ZNF24: variants seen among roughly 807,000 people sequenced by gnomAD.
ZNF24 encodes the protein zinc finger protein 24.
A neutral mutation model predicts 40.9 loss-of-function variants in ZNF24; 11 were observed. The observed-to-expected ratio is 0.27, with a 90% confidence interval of 0.17 to 0.45. The LOEUF (loss-of-function observed/expected upper bound fraction) is 0.45. ZNF24 is among the 20% of genes least tolerant of loss of function. The pLI, the probability that ZNF24 is intolerant of heterozygous loss-of-function variation, is 1.00. For missense variants in ZNF24, 293 were observed against 437.7 expected (o/e 0.67, Z 2.95); for synonymous variants, 139 against 154.7 (o/e 0.90, Z 0.75).
In ZNF24 at chr18:35,332,355, T is replaced by C. The variant is rs1304926455; in HGVS notation, c.*4877A>G. ...TATATTAATCAGAACAGAAACTCAATTCAATTATCTTAAACAAGAAAGGGA... is the reference window on the plus strand; with the variant it reads ...TATATTAATCAGAACAGAAACTCAACTCAATTATCTTAAACAAGAAAGGGA... On this transcript the variant is annotated 3_prime_UTR_variant, in exon 4 of 4. Transcript: ENST00000261332. The C allele has an allele frequency of 6.6e-6, 1 of 152,168 alleles. No individual in the cohort carries two copies. The highest frequency in any genetic ancestry group is 1.5e-5 in the Non-Finnish European group (1 of 68,024). The allele number at this position is 152,168 out of a possible 1,614,324, so 9.4% of individuals were successfully genotyped here.
chr18:35,340,105 G>A lies in ZNF24; in HGVS notation c.420+126C>T. Reference sequence around the variant, plus strand: ...GGCAAAGCGGCACAGATAACAAGGAGTGGTAGGGGAATGGGGGAAAAGGCA... The same window carrying A: ...GGCAAAGCGGCACAGATAACAAGGAATGGTAGGGGAATGGGGGAAAAGGCA... On this transcript the variant is annotated intron_variant, in intron 2 of 3. Coordinates refer to ENST00000261332, the MANE Select transcript of ZNF24 (RefSeq NM_006965.4). The surrounding 1 kb of genome is among the most constrained non-coding windows in gnomAD (Gnocchi z 4.6). 6.7e-7 allele frequency: 1 copy of A among 1,482,306 alleles called. No individual in the cohort carries two copies. Among genetic ancestry groups the A allele is most frequent in the South Asian group, 1.3e-5 (1 of 77,160 alleles). 91.8% of individuals were successfully genotyped at this position (1,482,306 alleles called of 1,614,324 possible).
rs1380883187 is a variant in ZNF24 at position 35,337,377 on chromosome 18, C to T, written c.962G>A (p.Gly321Glu). 2 of 1,613,956 alleles carry T rather than the reference C, an allele frequency of 1.2e-6. No individual in the cohort carries two copies. Among genetic ancestry groups the T allele is most frequent in the Admixed American group, 1.7e-5 (1 of 60,010 alleles). Residue 321 changes from glycine (G) to glutamate (E), a missense_variant, in exon 4 of 4, where the codon GGG becomes GAG. Around this residue, in one of 2 missense-constraint regions of ZNF24, gnomAD observed 59 missense variants for 138.6 expected, o/e 0.43. Coordinates refer to ENST00000261332, the MANE Select transcript of ZNF24 (RefSeq NM_006965.4). ...ATGGATTCTCTGATGATTAATAAGCCCCGAATTCTGGCTAAAGGCTTTCCC... is the reference window on the plus strand; with the variant it reads ...ATGGATTCTCTGATGATTAATAAGCTCCGAATTCTGGCTAAAGGCTTTCCC... ...ECGKAFSQNS[G>E]LINHQRIHTG... is the part of the protein sequence containing the mutation.
At chr18:35,338,345 A>G (rs1401030416) in intron 3 of ZNF24, 2 of 985,360 alleles carry the variant, frequency 2.0e-6, no homozygotes, top group African/African-American at 3.5e-5. Context: ...AAGACATGAC[A>G]TAAAAATTCA....
At chr18:35,338,045 T>G in intron 3 of ZNF24, 1 of 548,918 alleles carries the variant, frequency 1.8e-6, no homozygotes, top group Non-Finnish European at 2.5e-6. Context: ...GATTCTAAGA[T>G]GGTTAGGGAG....
At position 35,334,065 on chromosome 18, in the gene ZNF24, C is replaced by G. The variant is rs2044882113; in HGVS notation, c.*3167G>C. 6.6e-6 allele frequency: 1 copy of G among 152,076 alleles called. No individual in the cohort carries two copies. The highest frequency in any genetic ancestry group is 2.4e-5 in the African/African-American group (1 of 41,408). 9.4% of individuals were successfully genotyped at this position (152,076 alleles called of 1,614,324 possible). A position where few individuals can be genotyped will look rare whatever the true frequency, so the allele number is the denominator to read the frequency against. On this transcript the variant is annotated 3_prime_UTR_variant, in exon 4 of 4. Transcript: ENST00000261332. ...TGCCTGTCACAGCAACCACAGGTGT[C>G]AGCTGTTAACACATTATTGATTAAA...
At chr18:35,341,631 T>C (rs1212873483) in intron 1 of ZNF24, among the ~76,000 whole-genome samples, 2 of 152,070 alleles carry the variant, frequency 1.3e-5, no homozygotes, top group Non-Finnish European at 2.9e-5. Flanking sequence ...GGACAAGATA[T>C]GGAGGTAGAA....
Position 35,340,113 on chromosome 18 carries a change from G to C in ZNF24, c.420+118C>G. ...GGCACAGATAACAAGGAGTGGTAGG[G>C]GAATGGGGGAAAAGGCATAAACATA... is the stretch of plus-strand genomic sequence containing the variant. On this transcript the variant is annotated intron_variant, in intron 2 of 3. Coordinates refer to ENST00000261332, the MANE Select transcript of ZNF24 (RefSeq NM_006965.4). The surrounding 1 kb of genome is among the most constrained non-coding windows in gnomAD (Gnocchi z 4.6). 1 of 1,487,208 alleles carries C rather than the reference G, an allele frequency of 6.7e-7. No individual in the cohort carries two copies. The highest frequency in any genetic ancestry group is 9.1e-7 in the Non-Finnish European group (1 of 1,093,456). The allele number at this position is 1,487,208 out of a possible 1,614,324, so 92.1% of individuals were successfully genotyped here. A position where few individuals can be genotyped will look rare whatever the true frequency, so the allele number is the denominator to read the frequency against.
rs945687567 is a variant in ZNF24, at chr18:35,333,151, T to C, written c.*4081A>G. On this transcript the variant is annotated 3_prime_UTR_variant, in exon 4 of 4. Transcript: ENST00000261332. ...ATTCACACACATGCACAAAGACATC[T>C]GAATAGGATGTTTACTTTGGCAATG... The C allele has an allele frequency of 2.6e-5, 4 of 152,102 alleles. No homozygotes were observed. Among genetic ancestry groups the C allele is most frequent in the African/African-American group, 9.7e-5 (4 of 41,418 alleles). The allele number at this position is 152,102 out of a possible 1,614,324, so 9.4% of individuals were successfully genotyped here. A position where few individuals can be genotyped will look rare whatever the true frequency, so the allele number is the denominator to read the frequency against.
Position 35,334,547 on chromosome 18 carries a change from G to GA in ZNF24, c.*2684dup, listed in dbSNP as rs771379021. The GA allele has an allele frequency of 6.6e-6, 1 of 152,188 alleles. No homozygotes were observed. The highest frequency in any genetic ancestry group is 6.5e-5 in the Admixed American group (1 of 15,274). The allele number at this position is 152,188 out of a possible 1,614,324, so 9.4% of individuals were successfully genotyped here. ...AGCTTAACCTCCAAGAAAGCCAGAAGAAAAAACCAGCAAATGCTCAGTGGC... is the reference window on the plus strand; with the variant it reads ...AGCTTAACCTCCAAGAAAGCCAGAAGAAAAAAACCAGCAAATGCTCAGTGGC... On this transcript the variant is annotated 3_prime_UTR_variant, in exon 4 of 4. Transcript: ENST00000261332.
At position 35,334,490 on chromosome 18, in the gene ZNF24, A is replaced by G. The variant is rs949822905; in HGVS notation, c.*2742T>C. The G allele has an allele frequency of 2.6e-5, 4 of 152,238 alleles. No homozygotes were observed. The highest frequency in any genetic ancestry group is 7.2e-5 in the African/African-American group (3 of 41,456). The allele number at this position is 152,238 out of a possible 1,614,324, so 9.4% of individuals were successfully genotyped here. ...ACATGAATATGAGACATATTGCTAA[A>G]GATCAAGTACCAACTGGGTATGACT... On this transcript the variant is annotated 3_prime_UTR_variant, in exon 4 of 4. Transcript: ENST00000261332.
chr18:35,337,892 G>A (rs1598685546), intron 3 of ZNF24, 122 bp from the exon 4 acceptor site: 1 of 761,474 alleles, frequency 1.3e-6, no homozygotes, highest in Non-Finnish European at 2.0e-6. Flanking sequence ...CTCTGACACT[G>A]GTGTTAAGGC....
rs2044868787 is a variant in ZNF24, at chr18:35,332,646, T to C, written c.*4586A>G. On this transcript the variant is annotated 3_prime_UTR_variant, in exon 4 of 4. Coordinates refer to ENST00000261332, the MANE Select transcript of ZNF24 (RefSeq NM_006965.4). ...GCTTTCCTTAGCCTGGCTTAAGTTA[T>C]ATACCCATTCTTTTATCACTGTGGC... is the stretch of plus-strand genomic sequence containing the variant. The C allele has an allele frequency of 6.6e-6, 1 of 152,670 alleles. No homozygotes were observed. Among genetic ancestry groups the C allele is most frequent in the Non-Finnish European group, 1.5e-5 (1 of 68,066 alleles). The allele number at this position is 152,670 out of a possible 1,614,324, so 9.5% of individuals were successfully genotyped here. A position where few individuals can be genotyped will look rare whatever the true frequency, so the allele number is the denominator to read the frequency against.
At chr18:35,338,966 C>T in intron 3 of ZNF24, 2 of 1,516,580 alleles carry the variant, frequency 1.3e-6, no homozygotes, top group Admixed American at 2.1e-5. Context: ...TCAGCCCCAC[C>T]CCAAAAGTTG....
At chr18:35,341,873 G>A (rs957331664) in intron 1 of ZNF24, among the ~76,000 whole-genome samples, 1 of 152,014 alleles carries the variant, frequency 6.6e-6, no homozygotes, top group African/African-American at 2.4e-5. Flanking sequence ...AACAGAGTAT[G>A]ACCCTGTCTC....
rs748489570 is a variant in ZNF24 at position 35,340,447 on chromosome 18, C to T, written c.204G>A (p.Glu68=). ...AAAGTTCTCGGAGCTGGCTCACAGC[C>T]TCACGGGGCCCAGGTGAATCCTGGT... ...FGYQDSPGPR[E]AVSQLRELCR... is the part of the protein sequence containing the mutation. Residue 68 remains glutamate, a synonymous_variant, in exon 2 of 4, where the codon GAG becomes GAA. Transcript: ENST00000261332. This position sits in a 1 kb window ranked among gnomAD's most constrained non-coding sequence, Gnocchi z 4.6. The T allele has an allele frequency of 2.5e-6, 4 of 1,614,106 alleles. No homozygotes were observed. The highest frequency in any genetic ancestry group is 3.4e-6 in the Non-Finnish European group (4 of 1,180,054).
Position 35,332,227 on chromosome 18 carries a change from TCATGGAAGGC to T in ZNF24, c.*4995_*5004del, listed in dbSNP as rs1183328496. On this transcript the variant is annotated 3_prime_UTR_variant, in exon 4 of 4. Transcript: ENST00000261332. ...ATGGCAAAAGTTGACACAGGCCAAA[TCATGGAAGGC>T]CATGCTAATTTTATTAACTTATATA... 2 of 152,202 alleles carry T rather than the reference TCATGGAAGGC, an allele frequency of 1.3e-5. No homozygotes were observed. The highest frequency in any genetic ancestry group is 4.8e-5 in the African/African-American group (2 of 41,442). The allele number at this position is 152,202 out of a possible 1,614,324, so 9.4% of individuals were successfully genotyped here. A position where few individuals can be genotyped will look rare whatever the true frequency, so the allele number is the denominator to read the frequency against.
At chr18:35,338,999 G>A in intron 3 of ZNF24, 2 of 1,535,000 alleles carry the variant, frequency 1.3e-6, no homozygotes, top group South Asian at 2.4e-5. Flanking sequence ...TGTCCCCTCA[G>A]ATGTGAAGAA....
chr18:35,339,981 A>G lies in ZNF24; in HGVS notation c.421-5T>C. 1 of 1,605,786 alleles carries G rather than the reference A, an allele frequency of 6.2e-7. No homozygotes were observed. Among genetic ancestry groups the G allele is most frequent in the Non-Finnish European group, 8.5e-7 (1 of 1,173,832 alleles). ...TTTTCGTCGACGGAGAGAAACCTGGAAACAGAAAGATTTGATTCAGAGAAG... is the reference window on the plus strand; with the variant it reads ...TTTTCGTCGACGGAGAGAAACCTGGGAACAGAAAGATTTGATTCAGAGAAG... On this transcript the variant is annotated splice_polypyrimidine_tract_variant and splice_region_variant and intron_variant, in intron 2 of 3. Transcript: ENST00000261332.
chr18:35,334,632 C>T lies in ZNF24; in HGVS notation c.*2600G>A, dbSNP rs368238536. 5.5e-4 allele frequency: 74 copies of T among 135,050 alleles called. No individual in the cohort carries two copies. Among genetic ancestry groups the T allele is most frequent in the African/African-American group, 2.0e-3 (69 of 34,996 alleles). 8.4% of individuals were successfully genotyped at this position (135,050 alleles called of 1,614,324 possible). A position where few individuals can be genotyped will look rare whatever the true frequency, so the allele number is the denominator to read the frequency against. On this transcript the variant is annotated 3_prime_UTR_variant, in exon 4 of 4. Transcript: ENST00000261332. The stretch of plus-strand genomic sequence containing the variant: ...AATGACTGCTCATTTGCTAACCAAA[C>T]AGATACTCTGGCGATGCCACTGCTT...
Sources: gnomAD v4.1 joint callset for allele counts (sites outside exome capture counted in the v4.1 genomes callset) on GRCh38, gnomAD v4.1.1 for gene constraint, gnomAD v4.1.1 regional missense constraint, Gnocchi (gnomAD v3.1) non-coding constraint, MANE v1.5 for transcripts, NCBI Gene and HGNC (gene_info 2026-07-23, HGNC 2026-07-21) for gene names.